Variants in NCS1 observed in about 807,000 individuals in gnomAD.
NCS1 encodes frequenin homolog.
Under a neutral mutation model 28.4 loss-of-function variants are expected in NCS1, and 6 were observed. That is an observed-to-expected ratio of 0.21 (90% CI 0.12 to 0.42). The LOEUF is 0.42. Ranked by LOEUF, NCS1 falls within the 10% of genes least tolerant of loss-of-function variation. NCS1 has a pLI of 1.00. For synonymous variants in NCS1, 86 were observed against 99.3 expected (o/e 0.87, Z 0.79); for missense variants, 131 against 241.4 (o/e 0.54, Z 3.03).
chr9:130,211,031 T>TTTC (rs59532903), intron 2 of NCS1, among the ~76,000 whole-genome samples: 1 of 144,396 alleles, frequency 6.9e-6, no homozygotes, highest in Non-Finnish European at 1.5e-5. Flanking sequence ...TTTTTTTTTT[T>TTTC]GTAGAGAGAT....
At chr9:130,172,847 C>T (rs188775356) in intron 1 of NCS1, 120 bp downstream of exon 1, 7,030 of 459,886 alleles carry the variant, frequency 0.015, 102 homozygotes, top group Non-Finnish European at 0.016. Context: ...TCCGTCCTCC[C>T]CGCCCGGCCT....
Position 130,219,815 on chromosome 9 carries a change from C to T in NCS1, c.307+12C>T, listed in dbSNP as rs782722392. 1.2e-6 allele frequency: 2 copies of T among 1,613,998 alleles called. No homozygotes were observed. Among genetic ancestry groups the T allele is most frequent in the East Asian group, 2.2e-5 (1 of 44,884 alleles). ...TGAGAAGCTACGGTGTAAGTCCTGC[C>T]CCCTTGGCCCTGTGTGGCAGCAGCT... On this transcript the variant is annotated intron_variant, in intron 4 of 7. Transcript: ENST00000372398. This position sits in a 1 kb window ranked among gnomAD's most constrained non-coding sequence, Gnocchi z 5.7.
chr9:130,192,650 A>G lies in NCS1; in HGVS notation c.65-8308A>G, dbSNP rs1317642212. Among the ~76,000 whole-genome samples, 6 of 151,938 alleles carry G rather than the reference A, an allele frequency of 3.9e-5. No homozygotes were observed. Among genetic ancestry groups the G allele is most frequent in the African/African-American group, 1.5e-4 (6 of 41,350 alleles). ...GCCAGGACTCCCTGCCCACCCAGGA[A>G]CACCAGCATATATCCCCGGGGCCTT... is the stretch of plus-strand genomic sequence containing the variant. On this transcript the variant is annotated intron_variant, in intron 1 of 7. Transcript: ENST00000372398. This position sits in a 1 kb window ranked among gnomAD's most constrained non-coding sequence, Gnocchi z 4.8.
intron 1 of NCS1, among the ~76,000 whole-genome samples, chr9:130,183,012 G>A (rs1208233934): frequency 1.3e-5 from 2 of 152,244 alleles, no homozygotes; most frequent in African/African-American, 4.8e-5. Context: ...TGTGGGGTGT[G>A]TGGCCCGGGG....
chr9:130,218,046 C>G (rs1271433177), intron 3 of NCS1, 76 bp downstream of exon 3: 3 of 1,573,920 alleles, frequency 1.9e-6, no homozygotes, highest in Non-Finnish European at 2.6e-6. Flanking sequence ...CACACCCACT[C>G]TCTCCTGCCG....
In NCS1 at chr9:130,232,187, T is replaced by A. The variant is rs1554912215; in HGVS notation, c.*18-803T>A. ...GTCTTGAACTCCTGGCCTCAAGCGA[T>A]CCTCCTGCCTTGGCCTCCCAAAGTG... On this transcript the variant is annotated intron_variant, in intron 7 of 7. Transcript: ENST00000372398. This position sits in a 1 kb window ranked among gnomAD's most constrained non-coding sequence, Gnocchi z 4.4. Among the ~76,000 whole-genome samples the A allele has an allele frequency of 6.6e-6, 1 of 152,154 alleles. No individual in the cohort carries two copies. Among genetic ancestry groups the A allele is most frequent in the Non-Finnish European group, 1.5e-5 (1 of 68,034 alleles).
intron 1 of NCS1, among the ~76,000 whole-genome samples, chr9:130,187,493 C>T (rs1440534817): frequency 6.6e-6 from 1 of 152,172 alleles, no homozygotes; most frequent in Non-Finnish European, 1.5e-5. Flanking sequence ...CGCCACCCCT[C>T]CCAGCCAGTT....
chr9:130,221,441 G>A (rs76238187), intron 4 of NCS1, among the ~76,000 whole-genome samples: 118 of 135,330 alleles, frequency 8.7e-4, no homozygotes, highest in East Asian at 4.7e-3. Flanking sequence ...GAGAGAGAGA[G>A]AGAGAGAGAG....
rs957950406 is a variant in NCS1, at chr9:130,191,753, G to T, written c.65-9205G>T. ...ACAGCTGCTCACTGCTGCACATGGC[G>T]GTCTGATGGCCCTGGTGGGCAGCCT... is the stretch of plus-strand genomic sequence containing the variant. On this transcript the variant is annotated intron_variant, in intron 1 of 7. Coordinates refer to ENST00000372398, the MANE Select transcript of NCS1 (RefSeq NM_014286.4). The surrounding 1 kb of genome is among the most constrained non-coding windows in gnomAD (Gnocchi z 6.4). Among the ~76,000 whole-genome samples, 1 of 152,262 alleles carries T rather than the reference G, an allele frequency of 6.6e-6. No individual in the cohort carries two copies.
chr9:130,226,381 G>A lies in NCS1; in HGVS notation c.475-8G>A. 2 of 1,613,108 alleles carry A rather than the reference G, an allele frequency of 1.2e-6. No homozygotes were observed. The highest frequency in any genetic ancestry group is 1.7e-6 in the Non-Finnish European group (2 of 1,179,222). On this transcript the variant is annotated splice_region_variant and splice_polypyrimidine_tract_variant and intron_variant, in intron 6 of 7. Transcript: ENST00000372398. This position sits in a 1 kb window ranked among gnomAD's most constrained non-coding sequence, Gnocchi z 4.8. ...CCTGCACCCTCAGCCGCCTCTCTCTGCTCACAGAATGCCGACGGGAAGCTG... is the reference window on the plus strand; with the variant it reads ...CCTGCACCCTCAGCCGCCTCTCTCTACTCACAGAATGCCGACGGGAAGCTG...
intron 1 of NCS1, among the ~76,000 whole-genome samples, chr9:130,176,168 TTCTTTCTTTCTTTCTTTCTTTCTTTC>T (rs1423986496): frequency 0.012 from 787 of 67,384 alleles, 47 homozygotes; most frequent in African/African-American, 0.078. Context: ...CTTTCTTTCT[TTCTTTCTTTCTTTCTTTCTTTCTTTC>T]TTTTTTTTTT....
rs5900889 is a variant in NCS1, at chr9:130,235,120, A to ACCCCCC, written c.*2150_*2155dup. 8.1e-5 allele frequency: 12 copies of ACCCCCC among 148,488 alleles called. No homozygotes were observed. The highest frequency in any genetic ancestry group is 3.0e-4 in the African/African-American group (12 of 39,418). 9.2% of individuals were successfully genotyped at this position (148,488 alleles called of 1,614,324 possible). A position where few individuals can be genotyped will look rare whatever the true frequency, so the allele number is the denominator to read the frequency against. ...AGGACTGCACGCTGGCCCCACGGTAACCCCCCCTCCCCCACCAACATCCTG... is the reference window on the plus strand; with the variant it reads ...AGGACTGCACGCTGGCCCCACGGTAACCCCCCCCCCCCCTCCCCCACCAACATCCTG... On this transcript the variant is annotated 3_prime_UTR_variant, in exon 8 of 8. Transcript: ENST00000372398.
At chr9:130,221,524 T>G (rs1833302416) in intron 4 of NCS1, among the ~76,000 whole-genome samples, 1 of 144,568 alleles carries the variant, frequency 6.9e-6, no homozygotes. Context: ...AACCTTCGCC[T>G]CCTGGGCTCA....
At chr9:130,184,793 A>AT in intron 1 of NCS1, among the ~76,000 whole-genome samples, 2 of 78,850 alleles carry the variant, frequency 2.5e-5, no homozygotes, top group Non-Finnish European at 2.8e-5. Flanking sequence ...ACGCCTGGCT[A>AT]ATTTTTTTTT....
intron 2 of NCS1, among the ~76,000 whole-genome samples, chr9:130,217,367 T>G (rs1353865205): frequency 6.6e-6 from 1 of 152,180 alleles, no homozygotes; most frequent in Non-Finnish European, 1.5e-5. Flanking sequence ...AGCCACCTGC[T>G]GGCTCCATAT....
chr9:130,219,904 C>A lies in NCS1; in HGVS notation c.307+101C>A. On this transcript the variant is annotated intron_variant, in intron 4 of 7. Coordinates refer to ENST00000372398, the MANE Select transcript of NCS1 (RefSeq NM_014286.4). This position sits in a 1 kb window ranked among gnomAD's most constrained non-coding sequence, Gnocchi z 5.7. ...ACCAGGCAGGGGTGCCAGACACCCA[C>A]TGCAGTGACCACAGATGGCGTCCCA... 8.1e-7 allele frequency: 1 copy of A among 1,230,620 alleles called. No homozygotes were observed. 76.2% of individuals were successfully genotyped at this position (1,230,620 alleles called of 1,614,324 possible).
At chr9:130,199,897 G>GTTCATTCA (rs71499223) in intron 1 of NCS1, among the ~76,000 whole-genome samples, 44,475 of 150,496 alleles carry the variant, frequency 0.3, 6,844 homozygotes, top group South Asian at 0.43. Flanking sequence ...CTGTTCATGT[G>GTTCATTCA]TTCATTCATT....
Position 130,232,862 on chromosome 9 carries a change from CAT to C in NCS1, c.*18-126_*18-125del, listed in dbSNP as rs1833516202. On this transcript the variant is annotated intron_variant, in intron 7 of 7. Transcript: ENST00000372398. The surrounding 1 kb of genome is among the most constrained non-coding windows in gnomAD (Gnocchi z 4.4). ...TTATGCACATTTTTAGGACTTCTGA[CAT>C]AGAATGCCAGCTTGCCATCTATCGA... 6.5e-6 allele frequency: 1 copy of C among 152,688 alleles called. No individual in the cohort carries two copies. Among genetic ancestry groups the C allele is most frequent in the South Asian group, 2.1e-4 (1 of 4,834 alleles). The allele number at this position is 152,688 out of a possible 1,614,324, so 9.5% of individuals were successfully genotyped here.
chr9:130,223,903 C>T lies in NCS1; in HGVS notation c.474+744C>T, dbSNP rs191654423. Among the ~76,000 whole-genome samples, 70 of 151,976 alleles carry T rather than the reference C, an allele frequency of 4.6e-4. 1 individual carries two copies. The highest frequency in any genetic ancestry group is 1.6e-3 in the African/African-American group (65 of 41,478). ...TGTCACCCAGGCTGGAGTGCAGTGG[C>T]GGGCGCGATCTCGGCTCACTGCAAG... is the stretch of plus-strand genomic sequence containing the variant. On this transcript the variant is annotated intron_variant, in intron 6 of 7. Coordinates refer to ENST00000372398, the MANE Select transcript of NCS1 (RefSeq NM_014286.4).
Sources: allele counts gnomAD v4.1 joint callset (sites outside exome capture counted in the v4.1 genomes callset), GRCh38; gene constraint gnomAD v4.1.1; non-coding constraint Gnocchi (gnomAD v3.1); transcripts MANE v1.5; gene names NCBI Gene and HGNC (gene_info 2026-07-23, HGNC 2026-07-21).